Variants in CCSER1 observed in about 807,000 individuals in gnomAD.
CCSER1 encodes the protein coiled-coil serine rich protein 1.
A neutral mutation model predicts 82.0 loss-of-function variants in CCSER1; 41 were observed. The ratio of observed to expected loss-of-function variants is 0.50; its 90% CI spans 0.39 to 0.65. The LOEUF (loss-of-function observed/expected upper bound fraction) is 0.65, where lower values mean the gene tolerates loss of function less well. Among genes scored for constraint, CCSER1 ranks in the 30% least tolerant of loss-of-function variants. CCSER1 has a pLI of 0.00. For synonymous variants in CCSER1, 414 were observed against 383.9 expected (o/e 1.08, Z -0.92); for missense variants, 1,119 against 1,064.2 (o/e 1.05, Z -0.72).
chr4:91,232,128 C>T (rs1489992319), intron 10 of CCSER1, among the ~76,000 whole-genome samples: 1 of 151,712 alleles, frequency 6.6e-6, no homozygotes, highest in Non-Finnish European at 1.5e-5. Flanking sequence ...ACTATAAAAG[C>T]TTAAATTGCT....
intron 6 of CCSER1, among the ~76,000 whole-genome samples, chr4:90,699,508 A>T (rs540048204): frequency 1.3e-5 from 2 of 152,144 alleles, no homozygotes; most frequent in African/African-American, 4.8e-5. Context: ...TTCTCTCAAG[A>T]CAAGGTCCAT....
chr4:90,592,165 C>T (rs1782787157), intron 5 of CCSER1, among the ~76,000 whole-genome samples: 3 of 151,906 alleles, frequency 2.0e-5, no homozygotes, highest in South Asian at 2.1e-4. Flanking sequence ...AAAACCTGCA[C>T]GTTCTGCACA....
chr4:91,008,150 A>G (rs1420945815), intron 9 of CCSER1, among the ~76,000 whole-genome samples: 1 of 152,098 alleles, frequency 6.6e-6, no homozygotes, highest in Non-Finnish European at 1.5e-5. Context: ...AGCCTGTCGT[A>G]TGGTCTATTC....
At chr4:91,396,170 T>G (rs991710256) in intron 10 of CCSER1, among the ~76,000 whole-genome samples, 1 of 152,142 alleles carries the variant, frequency 6.6e-6, no homozygotes, top group Admixed American at 6.6e-5. Context: ...ATGCAGTTAT[T>G]ATTGACCTGT....
chr4:91,576,055 C>T (rs114056033), intron 10 of CCSER1, among the ~76,000 whole-genome samples: 1,554 of 151,992 alleles, frequency 0.01, 15 homozygotes, highest in Middle Eastern at 0.034. Context: ...TACACTTACT[C>T]GTTCATTGCA....
chr4:91,394,807 G>A (rs151168307), intron 10 of CCSER1, among the ~76,000 whole-genome samples: 1 of 151,372 alleles, frequency 6.6e-6, no homozygotes, highest in African/African-American at 2.4e-5. Flanking sequence ...GTATTGCTAT[G>A]CTACTTTAAA....
chr4:91,277,233 T>C (rs987780545), intron 10 of CCSER1, among the ~76,000 whole-genome samples: 5 of 152,042 alleles, frequency 3.3e-5, no homozygotes, highest in Non-Finnish European at 5.9e-5. Flanking sequence ...GTATAAGTTC[T>C]TAGAAAGTTT....
intron 10 of CCSER1, among the ~76,000 whole-genome samples, chr4:91,505,157 G>A (rs751216759): frequency 1.3e-5 from 2 of 152,064 alleles, no homozygotes; most frequent in Admixed American, 6.5e-5. Flanking sequence ...TGCTCTCATC[G>A]TTCAGCTTCT....
intron 10 of CCSER1, among the ~76,000 whole-genome samples, chr4:91,265,140 T>A (rs1228991059): frequency 6.6e-6 from 1 of 151,988 alleles, no homozygotes; most frequent in Non-Finnish European, 1.5e-5. Context: ...ACTTTTAGCC[T>A]ATGAGAGAAA....
chr4:91,167,011 G>A (rs1732152049), intron 10 of CCSER1, among the ~76,000 whole-genome samples: 1 of 151,798 alleles, frequency 6.6e-6, no homozygotes, highest in Non-Finnish European at 1.5e-5. Flanking sequence ...ATACTTGTAT[G>A]GTATGTTAAG....
chr4:90,837,871 A>C (rs1469355771), intron 8 of CCSER1, among the ~76,000 whole-genome samples: 1 of 152,174 alleles, frequency 6.6e-6, no homozygotes, highest in African/African-American at 2.4e-5. Flanking sequence ...GGATGATATT[A>C]TATGGGACAG....
At chr4:91,578,737 C>T (rs886064950) in intron 10 of CCSER1, among the ~76,000 whole-genome samples, 18 of 151,752 alleles carry the variant, frequency 1.2e-4, no homozygotes, top group African/African-American at 4.4e-4. Context: ...TTTTTTATTT[C>T]TTCATATTTT....
chr4:90,760,482 C>T (rs1246841430), intron 7 of CCSER1, among the ~76,000 whole-genome samples: 3 of 151,630 alleles, frequency 2.0e-5, no homozygotes, highest in Admixed American at 6.6e-5. Context: ...AATATTTGAA[C>T]AAATAACAAA....
At chr4:90,757,628 G>A (rs1202376265) in intron 7 of CCSER1, among the ~76,000 whole-genome samples, 1 of 152,170 alleles carries the variant, frequency 6.6e-6, no homozygotes, top group Non-Finnish European at 1.5e-5. Flanking sequence ...ATTCAACCAA[G>A]GAAGCAGACA....
intron 6 of CCSER1, among the ~76,000 whole-genome samples, chr4:90,658,113 A>C (rs1730057352): frequency 6.6e-6 from 1 of 152,132 alleles, no homozygotes; most frequent in Non-Finnish European, 1.5e-5. Flanking sequence ...CGAAAATAAA[A>C]ACAACAAACA....
intron 10 of CCSER1, among the ~76,000 whole-genome samples, chr4:91,173,452 G>A (rs1364115396): frequency 6.6e-6 from 1 of 151,992 alleles, no homozygotes; most frequent in African/African-American, 2.4e-5. Flanking sequence ...AAATTAGCTG[G>A]GCGTGGTGGC....
intron 1 of CCSER1, among the ~76,000 whole-genome samples, chr4:90,202,529 A>G (rs1737958313): frequency 6.6e-6 from 1 of 152,212 alleles, no homozygotes; most frequent in Admixed American, 6.5e-5. Context: ...AATTCTGTTT[A>G]TTACAATCTT....
intron 6 of CCSER1, among the ~76,000 whole-genome samples, chr4:90,662,263 C>T (rs1730964042): frequency 6.6e-6 from 1 of 152,072 alleles, no homozygotes; most frequent in African/African-American, 2.4e-5. Flanking sequence ...TCCCAAAGTG[C>T]TGGGATTACA....
At chr4:91,132,959 C>T (rs1229539954) in intron 10 of CCSER1, among the ~76,000 whole-genome samples, 1 of 152,040 alleles carries the variant, frequency 6.6e-6, no homozygotes, top group Non-Finnish European at 1.5e-5. Context: ...GATCTGACTT[C>T]TTGGGGATAT....
Sources: gnomAD v4.1 joint callset for allele counts (sites outside exome capture counted in the v4.1 genomes callset) on GRCh38, gnomAD v4.1.1 for gene constraint, MANE v1.5 for transcripts, NCBI Gene and HGNC (gene_info 2026-07-23, HGNC 2026-07-21) for gene names.